The following PRELID2 variants were observed in gnomAD, a reference collection of about 807,000 sequenced individuals.
PRELID2 encodes PRELI domain containing 2.
A neutral mutation model predicts 28.4 loss-of-function variants in PRELID2; 25 were observed. The observed-to-expected ratio is 0.88, with a 90% CI of 0.64 to 1.23. The LOEUF (loss-of-function observed/expected upper bound fraction) is 1.23, where lower values mean the gene tolerates loss of function less well. Among genes scored for constraint, PRELID2 ranks in the 50% most tolerant of loss-of-function variants. The probability of loss-of-function intolerance (pLI) is 0.00; values close to 1 mark genes in which losing one functional copy is unlikely to be tolerated. For synonymous variants in PRELID2, 76 were observed against 71.6 expected (o/e 1.06, Z -0.31); for missense variants, 201 against 214.4 (o/e 0.94, Z 0.39).
At chr5:145,301,029 C>A in the PRELID2 span, among the ~76,000 whole-genome samples, 1 of 152,028 alleles carries the variant, frequency 6.6e-6, no homozygotes, top group Non-Finnish European at 1.5e-5. Flanking sequence ...ATTGTGCATA[C>A]TTTTTCCCCC....
chr5:145,769,966 T>C (rs1758003138), intron 5 of PRELID2, among the ~76,000 whole-genome samples: 1 of 152,186 alleles, frequency 6.6e-6, no homozygotes, highest in Non-Finnish European at 1.5e-5. Context: ...ACAGATGATA[T>C]ATATGATGGT....
rs1581190539 is a variant in PRELID2, at chr5:145,781,650, T to A, written c.474+14792A>T. ...ATATATATACACACTATATATATAC[T>A]ATATATACACACTATATATATACAC... On this transcript the variant is annotated intron_variant, in intron 5 of 6. Transcript: ENST00000683046. 2.2e-5 allele frequency among the ~76,000 whole-genome samples: 3 copies of A among 136,964 alleles called. No individual in the cohort carries two copies. The South Asian group carries it at 7.1e-4, about 32-fold the overall frequency. The allele number at this position is 136,964 out of a possible 152,430, so 89.9% of individuals were successfully genotyped here.
chr5:145,656,387 C>A (rs1399025430), intron 1 of PRELID2, among the ~76,000 whole-genome samples: 1 of 152,080 alleles, frequency 6.6e-6, no homozygotes, highest in Non-Finnish European at 1.5e-5. Flanking sequence ...TTTGACCCAG[C>A]CATCCTATTA....
At chr5:145,768,559 G>A (rs187893654) in intron 5 of PRELID2, among the ~76,000 whole-genome samples, 7 of 152,210 alleles carry the variant, frequency 4.6e-5, no homozygotes, top group African/African-American at 1.4e-4. Context: ...TTTTCAGGAA[G>A]AATAAAAACT....
At position 145,600,997 on chromosome 5, in the gene PRELID2, T is replaced by C. The variant is rs1753388030; in HGVS notation, n.71-127682A>G. Among the ~76,000 whole-genome samples the C allele has an allele frequency of 2.0e-5, 3 of 151,734 alleles. No individual in the cohort carries two copies. In the South Asian group the frequency reaches 6.2e-4, roughly 32 times the overall value. On this transcript the variant is annotated intron_variant and non_coding_transcript_variant, in intron 1 of 2. Coordinates refer to the PRELID2 transcript ENST00000510259. ...AAACATTGTCTCTACAACAATAAAA[T>C]TTAAAAAAATAAATCTGGCATAGTG...
intron 1 of PRELID2, among the ~76,000 whole-genome samples, chr5:145,702,138 T>C (rs1018168291): frequency 6.6e-6 from 1 of 152,128 alleles, no homozygotes; most frequent in African/African-American, 2.4e-5. Context: ...ATTAGCGTAT[T>C]ACTGTAATGC....
chr5:145,593,774 C>T (rs981620695), intron 1 of PRELID2, among the ~76,000 whole-genome samples: 1 of 151,908 alleles, frequency 6.6e-6, no homozygotes, highest in Non-Finnish European at 1.5e-5. Context: ...ACCAAAAAAT[C>T]AGAAGAAAAA....
intron 1 of PRELID2, among the ~76,000 whole-genome samples, chr5:145,663,569 A>T (rs565064543): frequency 6.6e-6 from 1 of 152,302 alleles, no homozygotes; most frequent in Admixed American, 6.5e-5. Flanking sequence ...TTGGTAGTGA[A>T]ACAACTACTT....
chr5:145,287,832 A>G, the PRELID2 span, among the ~76,000 whole-genome samples: 331 of 152,296 alleles, frequency 2.2e-3, 2 homozygotes, highest in African/African-American at 7.7e-3. Context: ...CATTACATTT[A>G]GTCATAATGT....
chr5:145,524,404 G>T (rs945204665), intron 1 of PRELID2, among the ~76,000 whole-genome samples: 5 of 152,178 alleles, frequency 3.3e-5, no homozygotes, highest in Non-Finnish European at 5.9e-5. Context: ...CCCGGGTACA[G>T]AGAGGCCTCA....
At chr5:145,328,007 TC>T in the PRELID2 span, among the ~76,000 whole-genome samples, 4 of 151,994 alleles carry the variant, frequency 2.6e-5, no homozygotes, top group Non-Finnish European at 5.9e-5. Flanking sequence ...ATTGTTCAAC[TC>T]CCACTTACAA....
At chr5:145,661,967 T>C (rs112214493) in intron 1 of PRELID2, among the ~76,000 whole-genome samples, 3 of 152,060 alleles carry the variant, frequency 2.0e-5, no homozygotes, top group African/African-American at 4.8e-5. Context: ...AGAGCCTGAA[T>C]TGGCACTCTG....
intron 1 of PRELID2, among the ~76,000 whole-genome samples, chr5:145,499,355 C>T (rs1018314894): frequency 1.3e-5 from 2 of 152,302 alleles, no homozygotes; most frequent in South Asian, 4.1e-4. Context: ...ATAGTTATTT[C>T]TAAGTTGTAG....
At chr5:145,713,682 TAC>T (rs1366693312) in intron 1 of PRELID2, among the ~76,000 whole-genome samples, 2 of 97,978 alleles carry the variant, frequency 2.0e-5, no homozygotes, top group Admixed American at 1.0e-4. Context: ...TATATATATA[TAC>T]ACACACTATA....
the PRELID2 span, among the ~76,000 whole-genome samples, chr5:145,322,680 G>T: frequency 6.6e-6 from 1 of 152,152 alleles, no homozygotes; most frequent in Non-Finnish European, 1.5e-5. Context: ...GAATATAATA[G>T]AGATAAACAT....
intron 1 of PRELID2, among the ~76,000 whole-genome samples, chr5:145,542,727 T>A (rs1197388900): frequency 6.6e-6 from 1 of 150,650 alleles, no homozygotes; most frequent in African/African-American, 2.4e-5. Flanking sequence ...TGAAACTTTA[T>A]AAATGATAAA....
chr5:145,816,882 C>T (rs2149856332), intron 4 of PRELID2, among the ~76,000 whole-genome samples: 1 of 152,062 alleles, frequency 6.6e-6, no homozygotes, highest in Non-Finnish European at 1.5e-5. Flanking sequence ...TACTCTAGGC[C>T]AGGCACAGTG....
the PRELID2 span, among the ~76,000 whole-genome samples, chr5:145,409,107 T>A: frequency 6.6e-6 from 1 of 152,150 alleles, no homozygotes; most frequent in Non-Finnish European, 1.5e-5. Context: ...GAGTTTTGTA[T>A]CCAGCAAAAC....
At chr5:145,563,318 G>T (rs1580978678) in intron 1 of PRELID2, among the ~76,000 whole-genome samples, 1 of 152,240 alleles carries the variant, frequency 6.6e-6, no homozygotes, top group Admixed American at 6.5e-5. Context: ...AAAGAGCCAA[G>T]AAATGGAGAA....
Sources: allele counts gnomAD v4.1 joint callset (sites outside exome capture counted in the v4.1 genomes callset), GRCh38; gene constraint gnomAD v4.1.1; transcripts MANE v1.5; gene names NCBI Gene and HGNC (gene_info 2026-07-23, HGNC 2026-07-21).